MSRB3: variants seen among roughly 807,000 people sequenced by gnomAD.
MSRB3 encodes methionine-R-sulfoxide reductase B3.
A neutral mutation model predicts 21.0 loss-of-function variants in MSRB3; 13 were observed. The observed-to-expected ratio is 0.62, with a 90% CI of 0.40 to 0.98. MSRB3 has a LOEUF of 0.98. Among genes scored for constraint, MSRB3 ranks in the 50% least tolerant of loss-of-function variants. The pLI, the probability that MSRB3 is intolerant of heterozygous loss-of-function variation, is 0.00. For synonymous variants in MSRB3, 87 were observed against 88.6 expected, an observed-to-expected ratio of 0.98 and a Z score of 0.10; for missense variants, 199 against 230.3, an observed-to-expected ratio of 0.86 and a Z score of 0.88.
At chr12:65,450,515 G>T (rs1020656842) in intron 5 of MSRB3, among the ~76,000 whole-genome samples, 1 of 152,166 alleles carries the variant, frequency 6.6e-6, no homozygotes, top group African/African-American at 2.4e-5. Flanking sequence ...GAAACTAAGG[G>T]ATGTATTGGG....
At chr12:65,326,517 G>C (rs1044051523) in intron 2 of MSRB3, among the ~76,000 whole-genome samples, 1 of 152,048 alleles carries the variant, frequency 6.6e-6, no homozygotes, top group African/African-American at 2.4e-5. Flanking sequence ...AAAAAAAAAG[G>C]GTTTCAGGAT....
At chr12:65,326,277 G>T (rs1400639009) in intron 2 of MSRB3, among the ~76,000 whole-genome samples, 1 of 152,140 alleles carries the variant, frequency 6.6e-6, no homozygotes, top group East Asian at 1.9e-4. Context: ...TGAAGTTTCT[G>T]ATGGAATCAT....
At chr12:65,455,887 C>G (rs528074533) in intron 6 of MSRB3, among the ~76,000 whole-genome samples, 1 of 152,166 alleles carries the variant, frequency 6.6e-6, no homozygotes, top group South Asian at 2.1e-4. Flanking sequence ...TAGGTACACA[C>G]CACCACATCC....
At chr12:65,287,155 G>A (rs1872412430) in intron 1 of MSRB3, among the ~76,000 whole-genome samples, 1 of 123,144 alleles carries the variant, frequency 8.1e-6, no homozygotes, top group Non-Finnish European at 1.6e-5. Context: ...TTTGGCTGCC[G>A]CCCAGGCTGG....
chr12:65,346,607 A>T (rs1876524105), intron 4 of MSRB3, among the ~76,000 whole-genome samples: 1 of 152,010 alleles, frequency 6.6e-6, no homozygotes. Flanking sequence ...CCATTTGTCA[A>T]TTTTGGCTTT....
intron 1 of MSRB3, chr12:65,282,077 G>A (rs1872057457): frequency 6.6e-6 from 1 of 152,146 alleles, no homozygotes; most frequent in South Asian, 2.1e-4. Context: ...AGCACTTTAG[G>A]AGGCCGAGGC....
At chr12:65,341,213 T>C (rs1323239611) in intron 4 of MSRB3, among the ~76,000 whole-genome samples, 1 of 151,852 alleles carries the variant, frequency 6.6e-6, no homozygotes, top group African/African-American at 2.4e-5. Flanking sequence ...CACAATGGAG[T>C]AGTATTCAGC....
rs1448467364 is a variant in MSRB3 at position 65,398,667 on chromosome 12, C to T, written c.292+29641C>T. The stretch of plus-strand genomic sequence containing the variant: ...TTGCCATTGCTTTTGGTGTTTTAGT[C>T]ATGAAGTCTTTGCCCATGAGTATGT... On this transcript the variant is annotated intron_variant, in intron 5 of 6. Coordinates refer to ENST00000308259, the MANE Select transcript of MSRB3 (RefSeq NM_001031679.3). 1.3e-5 allele frequency among the ~76,000 whole-genome samples: 2 copies of T among 152,150 alleles called. 1 individual carries two copies. Among genetic ancestry groups the T allele is most frequent in the African/African-American group, 4.8e-5 (2 of 41,434 alleles).
rs1883461092 is a variant in MSRB3, at chr12:65,464,107, T to C, written c.*785T>C. 6.6e-6 allele frequency: 1 copy of C among 152,400 alleles called. No individual in the cohort carries two copies. Among genetic ancestry groups the C allele is most frequent in the Admixed American group, 6.5e-5 (1 of 15,282 alleles). The allele number at this position is 152,400 out of a possible 1,614,324, so 9.4% of individuals were successfully genotyped here. A position where few individuals can be genotyped will look rare whatever the true frequency, so the allele number is the denominator to read the frequency against. The stretch of plus-strand genomic sequence containing the variant: ...GGCTAACATGGTGAAACCCCGTCTC[T>C]ACTAAAAATACGAAAAATTAGCCAG... On this transcript the variant is annotated 3_prime_UTR_variant, in exon 7 of 7. Coordinates refer to ENST00000308259, the MANE Select transcript of MSRB3 (RefSeq NM_001031679.3).
intron 5 of MSRB3, among the ~76,000 whole-genome samples, chr12:65,374,768 A>G (rs1878506086): frequency 6.6e-6 from 1 of 152,162 alleles, no homozygotes; most frequent in Non-Finnish European, 1.5e-5. Context: ...ATACCGTTCT[A>G]TTCTTTGTTT....
chr12:65,432,848 G>C (rs111445283), intron 5 of MSRB3, among the ~76,000 whole-genome samples: 2,089 of 152,002 alleles, frequency 0.014, 45 homozygotes, highest in African/African-American at 0.048. Context: ...TCTTTCTCCA[G>C]ACAAATATTG....
chr12:65,322,732 G>A (rs1003732907), intron 2 of MSRB3, among the ~76,000 whole-genome samples: 11 of 151,648 alleles, frequency 7.3e-5, no homozygotes, highest in African/African-American at 2.7e-4. Context: ...AGACAGCCCT[G>A]GGTTTGAGTT....
intron 1 of MSRB3, among the ~76,000 whole-genome samples, chr12:65,296,131 G>A (rs964376308): frequency 1.5e-4 from 23 of 152,124 alleles, no homozygotes; most frequent in African/African-American, 4.8e-4. Flanking sequence ...GAAATAGTTG[G>A]TCACAAAATT....
chr12:65,324,906 G>T (rs537231178), intron 2 of MSRB3, among the ~76,000 whole-genome samples: 2 of 152,088 alleles, frequency 1.3e-5, no homozygotes, highest in African/African-American at 2.4e-5. Flanking sequence ...ATGAATGAAC[G>T]TATATTAACA....
At chr12:65,451,686 A>T (rs1421455538) in intron 5 of MSRB3, among the ~76,000 whole-genome samples, 2 of 152,146 alleles carry the variant, frequency 1.3e-5, no homozygotes, top group Non-Finnish European at 2.9e-5. Flanking sequence ...AAAGAGGCGT[A>T]ATCACAGTGA....
intron 1 of MSRB3, among the ~76,000 whole-genome samples, chr12:65,280,913 A>G (rs1310733756): frequency 1.3e-5 from 2 of 152,188 alleles, no homozygotes; most frequent in Non-Finnish European, 2.9e-5. Context: ...TTTCTAATAC[A>G]TATGCCATTT....
intron 1 of MSRB3, among the ~76,000 whole-genome samples, chr12:65,304,532 C>T (rs1289765363): frequency 6.6e-6 from 1 of 152,116 alleles, no homozygotes; most frequent in Non-Finnish European, 1.5e-5. Context: ...TGGTGGCTCA[C>T]GCCTGTAATC....
intron 4 of MSRB3, among the ~76,000 whole-genome samples, chr12:65,334,502 T>C (rs1027668420): frequency 1.3e-5 from 2 of 152,106 alleles, no homozygotes; most frequent in African/African-American, 4.8e-5. Flanking sequence ...CTTAGCATCG[T>C]TGGAACAAAT....
At chr12:65,334,190 T>G (rs914120196) in intron 4 of MSRB3, among the ~76,000 whole-genome samples, 1 of 152,232 alleles carries the variant, frequency 6.6e-6, no homozygotes, top group Non-Finnish European at 1.5e-5. Flanking sequence ...TAGCTCATTT[T>G]CTATAGGTTC....
Sources: gnomAD v4.1 joint callset for allele counts (sites outside exome capture counted in the v4.1 genomes callset) on GRCh38, gnomAD v4.1.1 for gene constraint, MANE v1.5 for transcripts, NCBI Gene and HGNC (gene_info 2026-07-23, HGNC 2026-07-21) for gene names.